The following CABLES1 variants were observed in gnomAD, a reference collection of about 807,000 sequenced individuals.
CABLES1 encodes the protein CDK5 and ABL1 enzyme substrate 1.
In CABLES1, 36 loss-of-function variants were observed where a neutral mutation model predicts 57.8. The observed-to-expected ratio is 0.62, with a 90% confidence interval of 0.48 to 0.82. CABLES1 has a LOEUF of 0.82. CABLES1 is among the 40% of genes least tolerant of loss of function. The pLI, the probability that CABLES1 is intolerant of heterozygous loss-of-function variation, is 0.00. For synonymous variants in CABLES1, 374 were observed against 363.0 expected, an observed-to-expected ratio of 1.03 and a Z score of -0.35; for missense variants, 767 against 836.6, an observed-to-expected ratio of 0.92 and a Z score of 1.03.
intron 7 of CABLES1, among the ~76,000 whole-genome samples, chr18:23,241,873 C>A (rs1479678466): frequency 6.6e-6 from 1 of 152,150 alleles, no homozygotes; most frequent in Non-Finnish European, 1.5e-5. Flanking sequence ...AAGTGGCACC[C>A]TTTTCAAATT....
At chr18:23,173,997 G>A (rs1160105025) in intron 1 of CABLES1, among the ~76,000 whole-genome samples, 4 of 152,100 alleles carry the variant, frequency 2.6e-5, no homozygotes, top group East Asian at 1.9e-4. Flanking sequence ...TTATTGTTCA[G>A]TGGTTTTTAG....
intron 4 of CABLES1, among the ~76,000 whole-genome samples, chr18:23,218,348 C>CCTCCCGCATCCTCACTTGCCCTGG (rs2047458521): frequency 4.5e-5 from 2 of 44,192 alleles, no homozygotes; most frequent in Non-Finnish European, 8.5e-5. Context: ...ACTTGCCCTG[C>CCTCCCGCATCCTCACTTGCCCTGG]CTCCCGCATC....
At chr18:23,227,129 A>C (rs1229939569) in intron 4 of CABLES1, 1 of 152,114 alleles carries the variant, frequency 6.6e-6, no homozygotes, top group Non-Finnish European at 1.5e-5. Flanking sequence ...AGATGAGGTC[A>C]TCCGCTTGGG....
At chr18:23,242,945 G>T (rs1157464934) in intron 7 of CABLES1, among the ~76,000 whole-genome samples, 2 of 151,902 alleles carry the variant, frequency 1.3e-5, no homozygotes, top group Non-Finnish European at 2.9e-5. Context: ...ATGAAAGAAA[G>T]ACTAATTCAG....
At chr18:23,146,486 G>A (rs1333163747) in intron 1 of CABLES1, among the ~76,000 whole-genome samples, 5 of 152,150 alleles carry the variant, frequency 3.3e-5, no homozygotes, top group Non-Finnish European at 7.4e-5. Flanking sequence ...GATTACAGGC[G>A]TGAGCTACCC....
rs1246864106 is a variant in CABLES1 at position 23,234,595 on chromosome 18, C to T, written c.1089-13C>T. 1 of 1,605,972 alleles carries T rather than the reference C, an allele frequency of 6.2e-7. No individual in the cohort carries two copies. The highest frequency in any genetic ancestry group is 1.7e-5 in the Admixed American group (1 of 59,908). ...ACAAAAGCATTTTTTTTTCCTCTGA[C>T]TTGTCCTCCCAGGGACTTGAAGTTG... is the stretch of plus-strand genomic sequence containing the variant. On this transcript the variant is annotated splice_polypyrimidine_tract_variant and intron_variant, in intron 4 of 9. Transcript: ENST00000256925.
intron 1 of CABLES1, among the ~76,000 whole-genome samples, chr18:23,178,847 TAG>T (rs1177110957): frequency 2.6e-5 from 4 of 152,274 alleles, no homozygotes; most frequent in South Asian, 2.1e-4. Context: ...TGTAAACATT[TAG>T]AGAGTCGCTT....
chr18:23,176,312 C>G (rs2047122509), intron 1 of CABLES1, among the ~76,000 whole-genome samples: 1 of 152,128 alleles, frequency 6.6e-6, no homozygotes, highest in African/African-American at 2.4e-5. Flanking sequence ...CAACCTAGAT[C>G]CCTCGAGTGC....
At chr18:23,187,867 C>CA (rs535035487) in intron 1 of CABLES1, among the ~76,000 whole-genome samples, 189 of 152,078 alleles carry the variant, frequency 1.2e-3, no homozygotes, top group African/African-American at 4.4e-3. Flanking sequence ...GAAACAAAAA[C>CA]AAAAAAACAC....
At chr18:23,142,949 C>A (rs902694655) in intron 1 of CABLES1, among the ~76,000 whole-genome samples, 1 of 152,072 alleles carries the variant, frequency 6.6e-6, no homozygotes, top group Non-Finnish European at 1.5e-5. Flanking sequence ...CTAGAAACAC[C>A]CTGAGACAGT....
intron 7 of CABLES1, among the ~76,000 whole-genome samples, chr18:23,245,518 AAAG>A (rs1281030378): frequency 2.0e-5 from 3 of 152,030 alleles, no homozygotes; most frequent in African/African-American, 7.3e-5. Flanking sequence ...AAAAAAAAAA[AAAG>A]CGAAATAGGT....
intron 4 of CABLES1, among the ~76,000 whole-genome samples, chr18:23,226,047 T>C (rs2047525001): frequency 6.6e-6 from 1 of 152,230 alleles, no homozygotes; most frequent in African/African-American, 2.4e-5. Flanking sequence ...GAAAGGGTCC[T>C]GGAGTCCTAA....
rs957725447 is a variant in CABLES1, at chr18:23,136,187, A to T, written c.425A>T (p.Gln142Leu). 1.1e-5 allele frequency: 14 copies of T among 1,235,692 alleles called. No individual in the cohort carries two copies. Among genetic ancestry groups the T allele is most frequent in the Non-Finnish European group, 1.4e-5 (14 of 991,340 alleles). 76.5% of individuals were successfully genotyped at this position (1,235,692 alleles called of 1,614,324 possible). The change falls in exon 1 of 10, where the codon CAG becomes CTG. Residue 142 changes from glutamine to leucine, a missense_variant. Gln to Leu is a moderately radical substitution (Grantham distance 113, BLOSUM62 -2). Coordinates refer to ENST00000256925, the MANE Select transcript of CABLES1 (RefSeq NM_001100619.3). Reference sequence around the variant, plus strand: ...GCTGGGTCCGGCCCCTGCCTCCCACAGCCCTCGTCGCTGCCGCCCTTGATT... The same window carrying T: ...GCTGGGTCCGGCCCCTGCCTCCCACTGCCCTCGTCGCTGCCGCCCTTGATT... ...LAAGSGPCLP[Q>L]PSSLPPLIPG...
intron 1 of CABLES1, among the ~76,000 whole-genome samples, chr18:23,160,099 G>A (rs1457493546): frequency 2.0e-5 from 3 of 150,890 alleles, no homozygotes; most frequent in East Asian, 2.0e-4. Context: ...GTGCAGTGGC[G>A]CGATCTCCAC....
intron 4 of CABLES1, among the ~76,000 whole-genome samples, chr18:23,222,559 T>A (rs985325401): frequency 6.7e-6 from 1 of 148,174 alleles, no homozygotes; most frequent in African/African-American, 2.5e-5. Context: ...TATCTATATA[T>A]AGATATATAT....
intron 1 of CABLES1, among the ~76,000 whole-genome samples, chr18:23,180,489 A>G (rs1310498018): frequency 2.6e-5 from 4 of 152,102 alleles, no homozygotes; most frequent in Non-Finnish European, 5.9e-5. Context: ...TGACATACAC[A>G]TGATAGTACA....
chr18:23,163,928 A>G (rs2047023005), intron 1 of CABLES1, among the ~76,000 whole-genome samples: 1 of 152,198 alleles, frequency 6.6e-6, no homozygotes, highest in East Asian at 1.9e-4. Context: ...ATAATAGCCT[A>G]TAAGGTAGGC....
At chr18:23,188,799 T>G (rs2047220981) in intron 1 of CABLES1, 39 bp from the exon 2 acceptor site, 1 of 1,413,482 alleles carries the variant, frequency 7.1e-7, no homozygotes, top group Admixed American at 1.7e-5. Context: ...AGTTCTGCAA[T>G]GCAGTTTTAA....
intron 1 of CABLES1, among the ~76,000 whole-genome samples, chr18:23,162,317 G>A (rs541947943): frequency 1.8e-4 from 28 of 152,344 alleles, no homozygotes; most frequent in African/African-American, 6.7e-4. Context: ...ATAAAATGCT[G>A]TGTTCTCTTT....
Sources: allele counts gnomAD v4.1 joint callset (sites outside exome capture counted in the v4.1 genomes callset), GRCh38; gene constraint gnomAD v4.1.1; transcripts MANE v1.5; gene names NCBI Gene and HGNC (gene_info 2026-07-23, HGNC 2026-07-21).